ZBTB4: variants seen among roughly 807,000 people sequenced by gnomAD.
ZBTB4 encodes the protein zinc finger and BTB domain-containing protein 4.
A neutral mutation model predicts 59.8 loss-of-function variants in ZBTB4; 14 were observed. That is an observed-to-expected ratio of 0.23 (90% CI 0.15 to 0.37). ZBTB4 has a LOEUF of 0.37. Among genes scored for constraint, ZBTB4 ranks in the 10% least tolerant of loss-of-function variants. The probability of loss-of-function intolerance (pLI) is 1.00; values close to 1 mark genes in which losing one functional copy is unlikely to be tolerated. For synonymous variants in ZBTB4, 587 were observed against 575.2 expected (o/e 1.02, Z -0.29); for missense variants, 1,198 against 1,380.8 (o/e 0.87, Z 2.10).
rs758415250 is a variant in ZBTB4, at chr17:7,463,452, G to A, written c.1530C>T (p.Tyr510=). Residue 510 remains tyrosine (Y), a synonymous_variant, in exon 4 of 4, where the codon TAC becomes TAT. Coordinates refer to ENST00000380599, the MANE Select transcript of ZBTB4 (RefSeq NM_001128833.2). ...GGSQAASVIT[Y]TAPPRPPKKR... ...TCTTGGGTGGCCTCGGGGGAGCAGT[G>A]TAAGTGATAACCGAGGCAGCTTGGG... The A allele has an allele frequency of 1.3e-6, 2 of 1,547,074 alleles. No individual in the cohort carries two copies. The highest frequency in any genetic ancestry group is 1.2e-5 in the South Asian group (1 of 81,048).
At chr17:7,467,874 G>A (rs1195985712) in intron 1 of ZBTB4, among the ~76,000 whole-genome samples, 4 of 152,204 alleles carry the variant, frequency 2.6e-5, no homozygotes, top group Admixed American at 6.5e-5. Context: ...GGTTTCTGGC[G>A]CAGCTGCCAG....
At chr17:7,482,622 T>C (rs1302200358), upstream of ZBTB4, 11 of 1,611,994 alleles carry the variant, frequency 6.8e-6, no homozygotes, top group Non-Finnish European at 9.3e-6. Context: ...TATCGTTCTC[T>C]GCACTTTCCC....
Position 7,466,533 on chromosome 17 carries a change from G to A in ZBTB4, c.269C>T (p.Ser90Phe). 4 of 1,609,552 alleles carry A rather than the reference G, an allele frequency of 2.5e-6. No individual in the cohort carries two copies. The highest frequency in any genetic ancestry group is 3.4e-6 in the Non-Finnish European group (4 of 1,177,562). ...TTTAASSSSSSSSSSSSSSSS... is the reference protein window; with the variant it reads ...TTTAASSSSSFSSSSSSSSSS... ...GGAAGAAGAGGAAGAAGACGAGGAA[G>A]AGGAGGAGGAGGAAGAGGCAGCTGT... Residue 90 changes from serine (S) to phenylalanine (F), a missense_variant, in exon 3 of 4, where the codon TCT becomes TTT. Ser to Phe is a radical substitution (Grantham distance 155, BLOSUM62 -2). This residue lies in a region of ZBTB4 where 83 missense variants were observed against 76.5 expected (regional missense o/e 1.09). Coordinates refer to ENST00000380599, the MANE Select transcript of ZBTB4 (RefSeq NM_001128833.2). The surrounding 1 kb of genome is among the most constrained non-coding windows in gnomAD (Gnocchi z 9.1).
At chr17:7,482,444 C>A (rs750803593), upstream of ZBTB4, 110 of 1,614,032 alleles carry the variant, frequency 6.8e-5, no homozygotes, top group Non-Finnish European at 1.4e-5. Context: ...GAGCCAGGGT[C>A]TCAGTGGCTA....
In ZBTB4 at chr17:7,471,242, G is replaced by T. The variant is rs528615210; in HGVS notation, c.-80-3915C>A. The stretch of plus-strand genomic sequence containing the variant: ...TCTGTTGCCCAAGCTGGAGTGCAGT[G>T]GTGTGAACATTGCTCACTGCAGCCT... On this transcript the variant is annotated intron_variant, in intron 1 of 3. Transcript: ENST00000380599. 3.9e-5 allele frequency among the ~76,000 whole-genome samples: 6 copies of T among 152,070 alleles called. No homozygotes were observed. In the South Asian group the frequency reaches 1.2e-3, roughly 32 times the overall value.
chr17:7,463,692 G>A lies in ZBTB4; in HGVS notation c.1290C>T (p.Tyr430=), dbSNP rs747453881. The change falls in exon 4 of 4, where the codon TAC becomes TAT. Residue 430 remains tyrosine, a synonymous_variant. Coordinates refer to ENST00000380599, the MANE Select transcript of ZBTB4 (RefSeq NM_001128833.2). ...MRAAKRPYKT[Y]SQGAPEAPLS... is the part of the protein sequence containing the mutation. ...GGGGAGCCTCCGGGGCTCCCTGGCTGTAGGTCTTGTAGGGCCGCTTGGCTG... is the reference window on the plus strand; with the variant it reads ...GGGGAGCCTCCGGGGCTCCCTGGCTATAGGTCTTGTAGGGCCGCTTGGCTG... 50 of 1,613,784 alleles carry A rather than the reference G, an allele frequency of 3.1e-5. No individual in the cohort carries two copies. In the South Asian group the frequency reaches 4.9e-4, roughly 16 times the overall value.
In ZBTB4 at chr17:7,462,566, T is replaced by C; in HGVS notation, c.2416A>G (p.Ser806Gly). The change falls in exon 4 of 4, where the codon AGC becomes GGC. Residue 806 changes from serine (S) to glycine (G), a missense_variant. This residue lies in a region of ZBTB4 where 550 missense variants were observed against 541.8 expected (regional missense o/e 1.02). Coordinates refer to ENST00000380599, the MANE Select transcript of ZBTB4 (RefSeq NM_001128833.2). This position sits in a 1 kb window ranked among gnomAD's most constrained non-coding sequence, Gnocchi z 7.5. ...PTPVIAYSKG[S>G]AGTRPGDVKE... ...ACATCCCCGGGCCTGGTGCCAGCGC[T>C]GCCCTTGGAATAGGCAATGACAGGG... 1 of 1,613,618 alleles carries C rather than the reference T, an allele frequency of 6.2e-7. No individual in the cohort carries two copies. The highest frequency in any genetic ancestry group is 8.5e-7 in the Non-Finnish European group (1 of 1,179,904).
Position 7,463,226 on chromosome 17 carries a change from TG to T in ZBTB4, c.1755del (p.Thr586GlnfsTer23). ...VGGIGGGGGP[P>X]TGAGRGPSQL... ...TGAGAGGGGCCCCGGCCAGCCCCTG[TG>T]GGGGGACCCCCACCTCCACCAATCC... is the stretch of plus-strand genomic sequence containing the variant. On this transcript the variant is annotated frameshift_variant, in exon 4 of 4. Coordinates refer to ENST00000380599, the MANE Select transcript of ZBTB4 (RefSeq NM_001128833.2). LOFTEE classifies it high-confidence loss of function. 4 of 1,610,740 alleles carry T rather than the reference TG, an allele frequency of 2.5e-6. No homozygotes were observed.
At chr17:7,482,042 T>C (rs2070351219), upstream of ZBTB4, 1 of 1,613,068 alleles carries the variant, frequency 6.2e-7, no homozygotes, top group Non-Finnish European at 8.5e-7. Flanking sequence ...ATCGCCGCCC[T>C]CCGCTCCACC....
Position 7,466,175 on chromosome 17 carries a change from T to A in ZBTB4, c.627A>T (p.Pro209=), listed in dbSNP as rs763753576. The A allele has an allele frequency of 1.2e-6, 2 of 1,613,106 alleles. No individual in the cohort carries two copies. Among genetic ancestry groups the A allele is most frequent in the Admixed American group, 1.7e-5 (1 of 60,016 alleles). ...EEDSFGPGPR[P]AGEWEGDRAE... is the part of the protein sequence containing the mutation. ...CCCTGTCACCCTCCCACTCCCCAGC[T>A]GGCCTGGGCCCGGGCCCAAAGCTGT... The change falls in exon 3 of 4, where the codon CCA becomes CCT. Residue 209 remains proline (P), a synonymous_variant. Coordinates refer to ENST00000380599, the MANE Select transcript of ZBTB4 (RefSeq NM_001128833.2). The surrounding 1 kb of genome is among the most constrained non-coding windows in gnomAD (Gnocchi z 9.1).
chr17:7,472,999 G>C (rs1392321783), intron 1 of ZBTB4, among the ~76,000 whole-genome samples: 5 of 151,466 alleles, frequency 3.3e-5, no homozygotes, highest in Non-Finnish European at 7.4e-5. Context: ...CTGTCGCCCA[G>C]GCTGGAGTGC....
Position 7,462,723 on chromosome 17 carries a change from G to T in ZBTB4, c.2259C>A (p.His753Gln). 6.2e-7 allele frequency: 1 copy of T among 1,604,092 alleles called. No homozygotes were observed. The highest frequency in any genetic ancestry group is 8.5e-7 in the Non-Finnish European group (1 of 1,179,760). Residue 753 changes from histidine (H) to glutamine (Q), a missense_variant, in exon 4 of 4, where the codon CAC becomes CAA. Coordinates refer to ENST00000380599, the MANE Select transcript of ZBTB4 (RefSeq NM_001128833.2). The surrounding 1 kb of genome is among the most constrained non-coding windows in gnomAD (Gnocchi z 7.5). ...AGGGCCTCCGTCCGGCCCGGGAGCT[G>T]TGGGAGCCCCCACCGTGGGCCTCTT... Reference protein sequence around the residue: ...KHQEAHGGGSHSSRAGRRPST... With the variant: ...KHQEAHGGGSQSSRAGRRPST...
At position 7,463,545 on chromosome 17, in the gene ZBTB4, G is replaced by A. The variant is rs1417484135; in HGVS notation, c.1437C>T (p.Pro479=). Residue 479 remains proline, a synonymous_variant, in exon 4 of 4, where the codon CCC becomes CCT. Transcript: ENST00000380599. ...TACTGCCCCCATGGACAATGACAGA[G>A]GGGGCTGGGTGGGCAAAAGTGATGA... The part of the protein sequence containing the change: ...PSVITFAHPA[P]SVIVHGGSSS... 2 of 1,588,076 alleles carry A rather than the reference G, an allele frequency of 1.3e-6. No individual in the cohort carries two copies. Among genetic ancestry groups the A allele is most frequent in the South Asian group, 2.3e-5 (2 of 86,408 alleles).
At chr17:7,481,636 G>A, upstream of ZBTB4, 1 of 744,596 alleles carries the variant, frequency 1.3e-6, no homozygotes, top group Middle Eastern at 2.4e-4. Flanking sequence ...AATTCATAAT[G>A]GTGTACCCAG....
chr17:7,465,017 G>A (rs777047070), intron 3 of ZBTB4, among the ~76,000 whole-genome samples: 8 of 151,278 alleles, frequency 5.3e-5, no homozygotes, highest in South Asian at 2.1e-4. Flanking sequence ...TTAGCCGGGC[G>A]TGATGGCGGG....
chr17:7,477,424 C>G (rs1306067132), intron 1 of ZBTB4, among the ~76,000 whole-genome samples: 1 of 152,182 alleles, frequency 6.6e-6, no homozygotes, highest in Non-Finnish European at 1.5e-5. Flanking sequence ...CACTGTGCAC[C>G]TGTTGAGCAG....
chr17:7,463,350 G>GGTGGCTGGGCTGACTGCT lies in ZBTB4; in HGVS notation c.1614_1631dup (p.Val540_Ala545dup). The GGTGGCTGGGCTGACTGCT allele has an allele frequency of 6.2e-7, 1 of 1,606,962 alleles. No individual in the cohort carries two copies. The highest frequency in any genetic ancestry group is 8.5e-7 in the Non-Finnish European group (1 of 1,177,054). On this transcript the variant is annotated inframe_insertion, in exon 4 of 4. Coordinates refer to ENST00000380599, the MANE Select transcript of ZBTB4 (RefSeq NM_001128833.2). Reference sequence around the variant, plus strand: ...TGGTGGCCATGGCTGGCCCTGCAGCGGTGGCTGGGCTGACTGCTGTGGCTG... The same window carrying GGTGGCTGGGCTGACTGCT: ...TGGTGGCCATGGCTGGCCCTGCAGCGGTGGCTGGGCTGACTGCTGTGGCTGGGCTGACTGCTGTGGCTG...
chr17:7,478,041 G>A (rs1016612661), intron 1 of ZBTB4, among the ~76,000 whole-genome samples: 3 of 151,880 alleles, frequency 2.0e-5, no homozygotes, highest in Non-Finnish European at 4.4e-5. Flanking sequence ...CAGCCCCACC[G>A]CCACTTAAGC....
chr17:7,463,312 GCCT>G lies in ZBTB4; in HGVS notation c.1667_1669del (p.Glu556del). On this transcript the variant is annotated inframe_deletion, in exon 4 of 4. Coordinates refer to ENST00000380599, the MANE Select transcript of ZBTB4 (RefSeq NM_001128833.2). ...TCCAGCCCGTGGATTCCGGCCCTTG[GCCT>G]CCTCCGTGGTGGTGGCCATGGCTGG... is the stretch of plus-strand genomic sequence containing the variant. 6.2e-7 allele frequency: 1 copy of G among 1,609,212 alleles called. No homozygotes were observed. The highest frequency in any genetic ancestry group is 8.5e-7 in the Non-Finnish European group (1 of 1,178,094).
Sources: gnomAD v4.1 joint callset for allele counts (sites outside exome capture counted in the v4.1 genomes callset) on GRCh38, gnomAD v4.1.1 for gene constraint, gnomAD v4.1.1 regional missense constraint, Gnocchi (gnomAD v3.1) non-coding constraint, MANE v1.5 for transcripts, NCBI Gene and HGNC (gene_info 2026-07-23, HGNC 2026-07-21) for gene names.